The following CFAP61 variants were observed in gnomAD, a reference collection of about 807,000 sequenced individuals.
CFAP61 encodes cilia- and flagella-associated protein 61.
In CFAP61, 107 loss-of-function variants were observed where a neutral mutation model predicts 135.6. The observed-to-expected ratio is 0.79, with a 90% confidence interval of 0.67 to 0.93. The LOEUF (loss-of-function observed/expected upper bound fraction) is 0.93, where lower values mean the gene tolerates loss of function less well. Ranked by LOEUF, CFAP61 falls within the 40% of genes least tolerant of loss-of-function variation. The pLI, the probability that CFAP61 is intolerant of heterozygous loss-of-function variation, is 0.00. For missense variants in CFAP61, 1,507 were observed against 1,556.2 expected, an observed-to-expected ratio of 0.97 and a Z score of 0.53; for synonymous variants, 575 against 578.5, an observed-to-expected ratio of 0.99 and a Z score of 0.09.
intron 8 of CFAP61, among the ~76,000 whole-genome samples, chr20:20,101,854 C>G (rs151327499): frequency 6.6e-6 from 1 of 152,094 alleles, no homozygotes; most frequent in Non-Finnish European, 1.5e-5. Context: ...TCTTGAACTC[C>G]GGGCCTCAGG....
rs138798717 is a variant in CFAP61 at position 20,090,688 on chromosome 20, CAAA to C, written c.567-134_567-132del. ...CTGGCAACAGAGTGAGACTCCCTCT[CAAA>C]AAAAAAAAAAAAAAAAAAAAAGAAG... On this transcript the variant is annotated intron_variant, in intron 6 of 26. Transcript: ENST00000245957. Among the ~76,000 whole-genome samples, 23 of 102,960 alleles carry C rather than the reference CAAA, an allele frequency of 2.2e-4. 1 individual carries two copies. Among genetic ancestry groups the C allele is most frequent in the African/African-American group, 6.4e-4 (17 of 26,514 alleles). 67.5% of individuals were successfully genotyped at this position (102,960 alleles called of 152,430 possible). A position where few individuals can be genotyped will look rare whatever the true frequency, so the allele number is the denominator to read the frequency against.
At chr20:20,345,302 G>A (rs1365797327) in intron 26 of CFAP61, among the ~76,000 whole-genome samples, 1 of 152,040 alleles carries the variant, frequency 6.6e-6, no homozygotes, top group East Asian at 1.9e-4. Context: ...TTGAGGTGAT[G>A]GATACTCCAT....
chr20:20,274,312 C>A (rs1319696650), intron 21 of CFAP61, among the ~76,000 whole-genome samples: 1 of 152,154 alleles, frequency 6.6e-6, no homozygotes, highest in Non-Finnish European at 1.5e-5. Flanking sequence ...AAAGAACTCA[C>A]AACTGCACAA....
intron 17 of CFAP61, among the ~76,000 whole-genome samples, chr20:20,209,143 G>T (rs989541721): frequency 6.6e-6 from 1 of 152,070 alleles, no homozygotes; most frequent in African/African-American, 2.4e-5. Flanking sequence ...TCTTCATGCC[G>T]AGGCCACACA....
intron 26 of CFAP61, among the ~76,000 whole-genome samples, chr20:20,347,932 CAAA>C (rs139136148): frequency 1.3e-5 from 1 of 75,182 alleles, no homozygotes; most frequent in Admixed American, 1.6e-4. Flanking sequence ...GACGCCATCT[CAAA>C]AAAAAAAAAA....
intron 25 of CFAP61, among the ~76,000 whole-genome samples, chr20:20,299,113 C>G (rs910119560): frequency 1.3e-5 from 2 of 152,210 alleles, no homozygotes; most frequent in Non-Finnish European, 2.9e-5. Flanking sequence ...CCCACAGAAG[C>G]AACTGCCAGG....
intron 6 of CFAP61, chr20:20,085,514 T>C: frequency 7.3e-7 from 1 of 1,366,604 alleles, no homozygotes; most frequent in Non-Finnish European, 9.8e-7. Flanking sequence ...TTTTCTATTT[T>C]TCCCAGAAGA....
In CFAP61 at chr20:20,290,408, A is replaced by T. The variant is rs1389281047; in HGVS notation, c.3216+17A>T. 4.7e-6 allele frequency: 7 copies of T among 1,503,626 alleles called. 1 individual carries two copies. The highest frequency in any genetic ancestry group is 6.5e-6 in the Non-Finnish European group (7 of 1,080,228). The allele number at this position is 1,503,626 out of a possible 1,614,324, so 93.1% of individuals were successfully genotyped here. A position where few individuals can be genotyped will look rare whatever the true frequency, so the allele number is the denominator to read the frequency against. ...CCTAATTATGTAAGTATTATTTCTGAATTTCATTTTACTTTCAAATACAAA... is the reference window on the plus strand; with the variant it reads ...CCTAATTATGTAAGTATTATTTCTGTATTTCATTTTACTTTCAAATACAAA... On this transcript the variant is annotated intron_variant, in intron 24 of 26. Transcript: ENST00000245957.
chr20:20,187,221 G>A (rs1489424231), intron 13 of CFAP61, among the ~76,000 whole-genome samples: 1 of 152,200 alleles, frequency 6.6e-6, no homozygotes, highest in Non-Finnish European at 1.5e-5. Flanking sequence ...ACTGGGTGTT[G>A]GCTGAACACG....
chr20:20,287,936 T>C (rs928336264), intron 22 of CFAP61, among the ~76,000 whole-genome samples: 1 of 152,172 alleles, frequency 6.6e-6, no homozygotes, highest in Non-Finnish European at 1.5e-5. Context: ...CTAAGGAGCA[T>C]GCAAAGGGGT....
rs2050434907 is a variant in CFAP61 at position 20,246,097 on chromosome 20, T to C, written c.2061-20T>C. The stretch of plus-strand genomic sequence containing the variant: ...ATTGCACTTAACTGCTTGTTCTTTT[T>C]CATTTTTCTTTTTCTTTAGCTCTCA... On this transcript the variant is annotated intron_variant, in intron 18 of 26. Coordinates refer to ENST00000245957, the MANE Select transcript of CFAP61 (RefSeq NM_015585.4). The C allele has an allele frequency of 6.7e-7, 1 of 1,502,582 alleles. No homozygotes were observed. Among genetic ancestry groups the C allele is most frequent in the Non-Finnish European group, 9.2e-7 (1 of 1,088,534 alleles). The allele number at this position is 1,502,582 out of a possible 1,614,324, so 93.1% of individuals were successfully genotyped here.
chr20:20,273,531 C>A (rs1302592781), intron 21 of CFAP61, among the ~76,000 whole-genome samples: 1 of 152,100 alleles, frequency 6.6e-6, no homozygotes, highest in Non-Finnish European at 1.5e-5. Flanking sequence ...TTACAGGATC[C>A]AAAAGTATGA....
At chr20:20,149,037 C>T (rs951850629) in intron 9 of CFAP61, among the ~76,000 whole-genome samples, 1 of 152,150 alleles carries the variant, frequency 6.6e-6, no homozygotes. Flanking sequence ...CTTCATTACT[C>T]ATGAAAAAAC....
chr20:20,069,729 T>C, intron 2 of CFAP61: 1 of 456,340 alleles, frequency 2.2e-6, no homozygotes, highest in South Asian at 1.6e-5. Flanking sequence ...TATTTATTTT[T>C]TCTCTTCTTG....
intron 8 of CFAP61, among the ~76,000 whole-genome samples, chr20:20,113,991 G>A (rs1170114059): frequency 7.1e-6 from 1 of 141,754 alleles, no homozygotes; most frequent in Non-Finnish European, 1.5e-5. Context: ...AAAAAAGCCT[G>A]GGTGCCATGG....
At chr20:20,090,786 C>G in intron 6 of CFAP61, 58 bp from the exon 7 acceptor site, 2 of 1,593,892 alleles carry the variant, frequency 1.3e-6, no homozygotes, top group Non-Finnish European at 1.7e-6. Context: ...AGTTGGTGCC[C>G]TGTTGAAGGA....
At position 20,174,381 on chromosome 20, in the gene CFAP61, T is replaced by C. The variant is rs532618974; in HGVS notation, c.1385+4921T>C. On this transcript the variant is annotated intron_variant, in intron 13 of 26. Transcript: ENST00000245957. ...ATTCAAGAAGCCATGCACGGTCCCA[T>C]AGGGGAAGACATCCCTCGAAACCCA... Among the ~76,000 whole-genome samples the C allele has an allele frequency of 3.9e-5, 6 of 152,304 alleles. No individual in the cohort carries two copies. The East Asian group carries it at 7.7e-4, about 20-fold the overall frequency.
At chr20:20,118,305 C>CTTTCTTTCTTTG (rs1568941694) in intron 8 of CFAP61, among the ~76,000 whole-genome samples, 1 of 94,724 alleles carries the variant, frequency 1.1e-5, no homozygotes, top group Non-Finnish European at 2.2e-5. Flanking sequence ...TTCTTTCTTT[C>CTTTCTTTCTTTG]TTTTCTTTCT....
At chr20:20,330,454 G>T (rs1312861927) in intron 25 of CFAP61, among the ~76,000 whole-genome samples, 2 of 152,064 alleles carry the variant, frequency 1.3e-5, no homozygotes, top group Non-Finnish European at 2.9e-5. Context: ...TCCCACCTCA[G>T]TCTCCTGAGT....
Sources: allele counts gnomAD v4.1 joint callset (sites outside exome capture counted in the v4.1 genomes callset), GRCh38; gene constraint gnomAD v4.1.1; transcripts MANE v1.5; gene names NCBI Gene and HGNC (gene_info 2026-07-23, HGNC 2026-07-21).